Variants in CREB5 observed in about 807,000 individuals in gnomAD.
CREB5 encodes the protein cAMP responsive element binding protein 5.
CREB5 carries 19 observed loss-of-function variants against 57.1 expected under a neutral mutation model. The ratio of observed to expected loss-of-function variants is 0.33; its 90% confidence interval spans 0.23 to 0.49. CREB5 has a LOEUF of 0.49. CREB5 is among the 20% of genes least tolerant of loss of function. The pLI is 0.99. For synonymous variants in CREB5, 238 were observed against 238.3 expected, an observed-to-expected ratio of 1.00 and a Z score of 0.01; for missense variants, 579 against 671.6, an observed-to-expected ratio of 0.86 and a Z score of 1.52.
intron 1 of CREB5, among the ~76,000 whole-genome samples, chr7:28,377,306 T>A (rs912318542): frequency 1.3e-5 from 2 of 152,142 alleles, no homozygotes; most frequent in African/African-American, 4.8e-5. Context: ...ACACACAAGA[T>A]TTCAAAAACT....
At chr7:28,560,851 TGTGTGTGCGTGTGCCTGC>T (rs1562797167) in intron 4 of CREB5, among the ~76,000 whole-genome samples, 2 of 69,136 alleles carry the variant, frequency 2.9e-5, no homozygotes, top group Non-Finnish European at 5.9e-5. Context: ...TGTGCGCGTG[TGTGTGTGCGTGTGCCTGC>T]GTGCGCGTGC....
intron 9 of CREB5, among the ~76,000 whole-genome samples, chr7:28,811,985 A>T (rs1451343288): frequency 2.0e-5 from 3 of 152,212 alleles, no homozygotes; most frequent in Non-Finnish European, 4.4e-5. Context: ...GGGCTTGATC[A>T]TTCTTTGTTG....
chr7:28,486,587 T>C (rs943581435), intron 1 of CREB5, among the ~76,000 whole-genome samples: 2 of 145,454 alleles, frequency 1.4e-5, no homozygotes, highest in Admixed American at 6.9e-5. Context: ...CTAAGAAAGG[T>C]ACAAAAAAAA....
intron 1 of CREB5, among the ~76,000 whole-genome samples, chr7:28,424,592 A>G (rs1332450292): frequency 6.6e-6 from 1 of 152,266 alleles, no homozygotes; most frequent in East Asian, 1.9e-4. Context: ...TAATGTAGGC[A>G]TTACCCTTGG....
chr7:28,418,694 T>C (rs1476596952), intron 1 of CREB5, among the ~76,000 whole-genome samples: 1 of 152,268 alleles, frequency 6.6e-6, no homozygotes, highest in East Asian at 1.9e-4. Flanking sequence ...GAATGTTAGC[T>C]TTCATTTATT....
intron 5 of CREB5, among the ~76,000 whole-genome samples, chr7:28,613,132 C>G (rs1296228830): frequency 6.6e-6 from 1 of 152,180 alleles, no homozygotes; most frequent in African/African-American, 2.4e-5. Context: ...CTCTATACCT[C>G]AGCAAACCAT....
intron 7 of CREB5, among the ~76,000 whole-genome samples, chr7:28,766,712 GCCCTTGTGGGTAACTAAGCCCTAA>G (rs1460025187): frequency 2.0e-5 from 3 of 152,166 alleles, no homozygotes; most frequent in African/African-American, 7.2e-5. Context: ...AACCAGAATG[GCCCTTGTGGGTAACTAAGCCCTAA>G]ATAGTGAGGA....
rs540535464 is a variant in CREB5, at chr7:28,754,757, G to A, written c.702+30425G>A. Among the ~76,000 whole-genome samples, 6 of 152,086 alleles carry A rather than the reference G, an allele frequency of 3.9e-5. No homozygotes were observed. The East Asian group carries it at 5.8e-4, about 15-fold the overall frequency. On this transcript the variant is annotated intron_variant, in intron 7 of 10. Coordinates refer to ENST00000357727, the MANE Select transcript of CREB5 (RefSeq NM_182898.4). ...TTTTCCCCCAATAAGCTCTCCAAAC[G>A]TTTTACCTCCTGCTTTACAATAGAG...
At chr7:28,810,264 A>T (rs1490905360) in intron 9 of CREB5, among the ~76,000 whole-genome samples, 3 of 152,172 alleles carry the variant, frequency 2.0e-5, no homozygotes, top group African/African-American at 7.2e-5. Context: ...CATGTATGCA[A>T]CCCACAGTCC....
Position 28,373,252 on chromosome 7 carries a change from ACAGAGATTT to A in CREB5, c.-25+73824_-25+73832del, listed in dbSNP as rs1161766386. On this transcript the variant is annotated intron_variant, in intron 1 of 9. Coordinates refer to the CREB5 transcript ENST00000396299. Reference sequence around the variant, plus strand: ...TGACGGTCAGGATTGACAAAAAGGCACAGAGATTTCAGAGATTTCAGTAAGTTGCTCTTT... The same window carrying A: ...TGACGGTCAGGATTGACAAAAAGGCACAGAGATTTCAGTAAGTTGCTCTTT... Among the ~76,000 whole-genome samples the A allele has an allele frequency of 3.3e-5, 5 of 152,290 alleles. No individual in the cohort carries two copies. In the East Asian group the frequency reaches 7.7e-4, roughly 24 times the overall value.
intron 5 of CREB5, among the ~76,000 whole-genome samples, chr7:28,577,068 T>C (rs1414672407): frequency 6.6e-6 from 1 of 152,178 alleles, no homozygotes; most frequent in African/African-American, 2.4e-5. Context: ...GGAAAAGCAT[T>C]GTCATGGGTT....
At chr7:28,368,163 T>A (rs563688919) in intron 1 of CREB5, among the ~76,000 whole-genome samples, 55 of 152,316 alleles carry the variant, frequency 3.6e-4, no homozygotes, top group African/African-American at 1.3e-3. Flanking sequence ...AAATACCGCA[T>A]GTTCTCACTT....
chr7:28,630,941 G>A (rs774772346), intron 5 of CREB5, among the ~76,000 whole-genome samples: 8 of 152,216 alleles, frequency 5.3e-5, no homozygotes, highest in Middle Eastern at 6.8e-3. Flanking sequence ...TCTTGCCCCC[G>A]TGTTAGATAT....
intron 5 of CREB5, among the ~76,000 whole-genome samples, chr7:28,682,688 G>A (rs546905072): frequency 1.4e-4 from 21 of 148,734 alleles, no homozygotes; most frequent in African/African-American, 4.0e-4. Flanking sequence ...AAAGTGGGGG[G>A]GGGGGGAAAC....
intron 1 of CREB5, among the ~76,000 whole-genome samples, chr7:28,363,767 T>C (rs1786533712): frequency 1.3e-5 from 2 of 152,194 alleles, no homozygotes; most frequent in African/African-American, 2.4e-5. Flanking sequence ...TCCCATTACC[T>C]AGCTAGGGGA....
At chr7:28,463,992 C>G (rs142552268) in intron 1 of CREB5, among the ~76,000 whole-genome samples, 1 of 152,230 alleles carries the variant, frequency 6.6e-6, no homozygotes, top group African/African-American at 2.4e-5. Flanking sequence ...TTCTCTTATT[C>G]CTGAACCTAA....
Position 28,758,809 on chromosome 7 carries a change from T to C in CREB5, c.702+34477T>C, listed in dbSNP as rs185679302. Among the ~76,000 whole-genome samples the C allele has an allele frequency of 1.7e-3, 264 of 152,314 alleles. 1 individual carries two copies. Among genetic ancestry groups the C allele is most frequent in the African/African-American group, 6.1e-3 (255 of 41,562 alleles). On this transcript the variant is annotated intron_variant, in intron 7 of 10. Coordinates refer to ENST00000357727, the MANE Select transcript of CREB5 (RefSeq NM_182898.4). ...ATGTATGGAGTCCTCTAGGAGAAAT[T>C]GTCAGAGCTGGTTTATATATTTGTA...
intron 5 of CREB5, among the ~76,000 whole-genome samples, chr7:28,680,053 G>C (rs561370722): frequency 2.0e-5 from 3 of 152,112 alleles, no homozygotes; most frequent in Non-Finnish European, 4.4e-5. Flanking sequence ...GGACTAAGGG[G>C]CACAAATGAG....
intron 2 of CREB5, among the ~76,000 whole-genome samples, chr7:28,494,118 T>G (rs1317158639): frequency 6.6e-6 from 1 of 152,232 alleles, no homozygotes; most frequent in East Asian, 1.9e-4. Context: ...AGACTTAACT[T>G]TTACACTGTT....
Sources: allele counts gnomAD v4.1 joint callset (sites outside exome capture counted in the v4.1 genomes callset), GRCh38; gene constraint gnomAD v4.1.1; transcripts MANE v1.5; gene names NCBI Gene and HGNC (gene_info 2026-07-23, HGNC 2026-07-21).